Variants in COMMD10 observed in about 807,000 individuals in gnomAD.
COMMD10 encodes the protein COMM domain-containing protein 10.
A neutral mutation model predicts 28.9 loss-of-function variants in COMMD10; 33 were observed. That is an observed-to-expected ratio of 1.14 (90% CI 0.87 to 1.53). The LOEUF is 1.53. COMMD10 is among the 40% of genes most tolerant of loss of function. The pLI, the probability that COMMD10 is intolerant of heterozygous loss-of-function variation, is 0.00. For missense variants in COMMD10, 310 were observed against 233.4 expected, an observed-to-expected ratio of 1.33 and a Z score of -2.14; for synonymous variants, 110 against 81.7, an observed-to-expected ratio of 1.35 and a Z score of -1.87.
intron 5 of COMMD10, among the ~76,000 whole-genome samples, chr5:116,287,431 T>A (rs890408223): frequency 1.3e-5 from 2 of 151,952 alleles, no homozygotes; most frequent in Non-Finnish European, 2.9e-5. Flanking sequence ...ACGGGATATC[T>A]TTTTCCATCC....
intron 5 of COMMD10, among the ~76,000 whole-genome samples, chr5:116,205,382 C>CA (rs1020847091): frequency 1.3e-5 from 2 of 152,106 alleles, no homozygotes; most frequent in Non-Finnish European, 2.9e-5. Context: ...CCTATAGTAG[C>CA]ATCTGGTGTT....
intron 5 of COMMD10, among the ~76,000 whole-genome samples, chr5:116,155,368 C>G (rs56038821): frequency 0.11 from 17,001 of 152,020 alleles, 1,369 homozygotes; most frequent in African/African-American, 0.22. Context: ...TCTTCAGATT[C>G]TCATTTCTTT....
chr5:116,095,598 A>G (rs776999095), intron 4 of COMMD10, among the ~76,000 whole-genome samples: 1 of 151,974 alleles, frequency 6.6e-6, no homozygotes, highest in Non-Finnish European at 1.5e-5. Flanking sequence ...TTCTCTTAAC[A>G]GTATCTTTCC....
chr5:116,088,762 A>C (rs1417685522), intron 2 of COMMD10, among the ~76,000 whole-genome samples: 1 of 152,214 alleles, frequency 6.6e-6, no homozygotes, highest in Non-Finnish European at 1.5e-5. Flanking sequence ...TCTCAGTCTC[A>C]GCAGTTTGTT....
intron 5 of COMMD10, among the ~76,000 whole-genome samples, chr5:116,261,238 A>G (rs1750435729): frequency 6.6e-6 from 1 of 151,792 alleles, no homozygotes; most frequent in Non-Finnish European, 1.5e-5. Context: ...TAATGTTCAT[A>G]ACTGTATATT....
intron 1 of COMMD10, chr5:116,085,352 C>T (rs1011647132): frequency 1.1e-5 from 5 of 474,176 alleles, no homozygotes; most frequent in African/African-American, 2.0e-5. Context: ...AGCGTGTGGT[C>T]TGCAAGCGTG....
At position 116,219,863 on chromosome 5, in the gene COMMD10, GC is replaced by G. The variant is rs1336223857; in HGVS notation, c.511-71653del. On this transcript the variant is annotated intron_variant, in intron 5 of 6. Coordinates refer to ENST00000274458, the MANE Select transcript of COMMD10 (RefSeq NM_016144.4). ...GTGAAAAAATCATATCGATTACTTT[GC>G]TATTTTTTTGTAAACTGCCTCTTTC... Among the ~76,000 whole-genome samples the G allele has an allele frequency of 7.2e-5, 11 of 152,118 alleles. No homozygotes were observed. The East Asian group carries it at 2.1e-3, about 29-fold the overall frequency.
intron 5 of COMMD10, among the ~76,000 whole-genome samples, chr5:116,220,172 C>T (rs1749209819): frequency 6.6e-6 from 1 of 152,102 alleles, no homozygotes; most frequent in Non-Finnish European, 1.5e-5. Flanking sequence ...GATAATAAGA[C>T]ATAACAGTAC....
At chr5:116,201,636 T>C (rs1250532268) in intron 5 of COMMD10, among the ~76,000 whole-genome samples, 5 of 152,154 alleles carry the variant, frequency 3.3e-5, no homozygotes, top group East Asian at 3.8e-4. Flanking sequence ...TTGTATTTGT[T>C]GTTAGGATGA....
intron 5 of COMMD10, among the ~76,000 whole-genome samples, chr5:116,168,514 A>G (rs1002583960): frequency 6.6e-6 from 1 of 152,136 alleles, no homozygotes; most frequent in African/African-American, 2.4e-5. Context: ...CTCCACCCCA[A>G]TCAACAGAGT....
At chr5:116,286,703 T>C (rs1751229098) in intron 5 of COMMD10, among the ~76,000 whole-genome samples, 1 of 151,870 alleles carries the variant, frequency 6.6e-6, no homozygotes, top group Non-Finnish European at 1.5e-5. Flanking sequence ...TGTAGTTTTA[T>C]TCCATTGTAA....
intron 5 of COMMD10, among the ~76,000 whole-genome samples, chr5:116,236,236 G>C (rs1049395166): frequency 4.6e-5 from 7 of 152,106 alleles, no homozygotes; most frequent in African/African-American, 1.7e-4. Context: ...GGACCCAGTG[G>C]CTCACACCTG....
At position 116,277,114 on chromosome 5, in the gene COMMD10, A is replaced by G. The variant is rs533971948; in HGVS notation, c.511-14403A>G. On this transcript the variant is annotated intron_variant, in intron 5 of 6. Transcript: ENST00000274458. ...TTATTTTCACTAAGTTATGAAAAAA[A>G]CCCATGTTCCATCCTTTATTTAGGT... Among the ~76,000 whole-genome samples, 284 of 151,982 alleles carry G rather than the reference A, an allele frequency of 1.9e-3. 4 individuals are homozygous for G. Among genetic ancestry groups the G allele is most frequent in the African/African-American group, 6.2e-3 (256 of 41,316 alleles).
chr5:116,184,661 C>T (rs1001477785), intron 5 of COMMD10, among the ~76,000 whole-genome samples: 5 of 152,098 alleles, frequency 3.3e-5, no homozygotes, highest in African/African-American at 1.2e-4. Flanking sequence ...AAAACAGATT[C>T]AGCAGAGATC....
chr5:116,130,399 T>C (rs1053335624), intron 4 of COMMD10, among the ~76,000 whole-genome samples: 4 of 151,912 alleles, frequency 2.6e-5, no homozygotes, highest in African/African-American at 9.7e-5. Context: ...ATTAGTTTTC[T>C]GTTATCCGGG....
intron 2 of COMMD10, among the ~76,000 whole-genome samples, chr5:116,090,433 C>T (rs758087930): frequency 1.3e-5 from 2 of 152,148 alleles, no homozygotes; most frequent in Non-Finnish European, 2.9e-5. Flanking sequence ...TAGCTGGGAA[C>T]TTAGAAATAA....
At chr5:116,186,222 C>T (rs943803418) in intron 5 of COMMD10, among the ~76,000 whole-genome samples, 1 of 152,098 alleles carries the variant, frequency 6.6e-6, no homozygotes, top group African/African-American at 2.4e-5. Context: ...ACTTTTTAAA[C>T]AAATTGTTTA....
chr5:116,265,452 A>G (rs1238010576), intron 5 of COMMD10, among the ~76,000 whole-genome samples: 1 of 151,776 alleles, frequency 6.6e-6, no homozygotes, highest in Non-Finnish European at 1.5e-5. Context: ...GGACATTTAC[A>G]TAACTCTGTG....
At position 116,091,258 on chromosome 5, in the gene COMMD10, A is replaced by G. The variant is rs1750290943; in HGVS notation, c.243+69A>G. The stretch of plus-strand genomic sequence containing the variant: ...ACATATTTGTATTGTTATGATATCT[A>G]TGACATTCTGTTTTTTTTAATTAAA... On this transcript the variant is annotated intron_variant, in intron 3 of 6. Transcript: ENST00000274458. The G allele has an allele frequency of 8.4e-6, 6 of 710,478 alleles. No homozygotes were observed. In the South Asian group the frequency reaches 1.0e-4, roughly 12 times the overall value. The allele number at this position is 710,478 out of a possible 1,614,324, so 44.0% of individuals were successfully genotyped here. A position where few individuals can be genotyped will look rare whatever the true frequency, so the allele number is the denominator to read the frequency against.
Sources: gnomAD v4.1 joint callset for allele counts (sites outside exome capture counted in the v4.1 genomes callset) on GRCh38, gnomAD v4.1.1 for gene constraint, MANE v1.5 for transcripts, NCBI Gene and HGNC (gene_info 2026-07-23, HGNC 2026-07-21) for gene names.